The following MAP3K9 variants were observed in gnomAD, a reference collection of about 807,000 sequenced individuals.
MAP3K9 encodes mitogen-activated protein kinase kinase kinase 9.
Under a neutral mutation model 95.8 loss-of-function variants are expected in MAP3K9, and 46 were observed. The ratio of observed to expected loss-of-function variants is 0.48; its 90% CI spans 0.38 to 0.61. The LOEUF (loss-of-function observed/expected upper bound fraction) is 0.61, where lower values mean the gene tolerates loss of function less well. Among genes scored for constraint, MAP3K9 ranks in the 20% least tolerant of loss-of-function variants. The pLI, the probability that MAP3K9 is intolerant of heterozygous loss-of-function variation, is 0.00. For synonymous variants in MAP3K9, 533 were observed against 593.8 expected, an observed-to-expected ratio of 0.90 and a Z score of 1.49; for missense variants, 1,296 against 1,474.3, an observed-to-expected ratio of 0.88 and a Z score of 1.98.
rs976450856 is a variant in MAP3K9, at chr14:70,761,067, C to T, written c.936G>A (p.Thr312=). ...HRTTKMSAAG[T]YAWMAPEVIR... ...TGACTTCGGGTGCCATCCAAGCATA[C>T]GTCCCTGCCGCACTCATCTTGGTGG... The change falls in exon 3 of 12, where the codon ACG becomes ACA. Residue 312 remains threonine, a synonymous_variant. Transcript: ENST00000554752. 5 of 1,613,854 alleles carry T rather than the reference C, an allele frequency of 3.1e-6. No individual in the cohort carries two copies. Among genetic ancestry groups the T allele is most frequent in the African/African-American group, 1.3e-5 (1 of 74,834 alleles).
intron 2 of MAP3K9, among the ~76,000 whole-genome samples, chr14:70,788,313 A>G (rs1259152330): frequency 1.3e-5 from 2 of 152,252 alleles, no homozygotes; most frequent in African/African-American, 2.4e-5. Flanking sequence ...TACTAAGGGA[A>G]TAAGTGTAGC....
At chr14:70,750,292 T>A (rs1039215525) in intron 3 of MAP3K9, among the ~76,000 whole-genome samples, 13 of 152,220 alleles carry the variant, frequency 8.5e-5, no homozygotes, top group African/African-American at 3.1e-4. Flanking sequence ...TTTTCAAGTT[T>A]TCTCCCATAA....
intron 2 of MAP3K9, among the ~76,000 whole-genome samples, chr14:70,770,144 C>T (rs1300547038): frequency 6.6e-6 from 1 of 152,084 alleles, no homozygotes; most frequent in Non-Finnish European, 1.5e-5. Flanking sequence ...TGGTAGGGGT[C>T]AAGGTAATTG....
chr14:70,742,069 G>A (rs1360011001), intron 6 of MAP3K9, among the ~76,000 whole-genome samples: 1 of 152,222 alleles, frequency 6.6e-6, no homozygotes, highest in Non-Finnish European at 1.5e-5. Flanking sequence ...TGCCTAAAGT[G>A]AGATGTGCCC....
rs147124893 is a variant in MAP3K9, at chr14:70,733,303, C to T, written c.2066G>A (p.Arg689His). 8.9e-6 allele frequency: 14 copies of T among 1,573,410 alleles called. No homozygotes were observed. Among genetic ancestry groups the T allele is most frequent in the African/African-American group, 6.8e-5 (5 of 74,026 alleles). Residue 689 changes from arginine to histidine, a missense_variant, in exon 11 of 12, where the codon CGC (arginine) becomes CAC (histidine). Around this residue, in one of 5 missense-constraint regions of MAP3K9, gnomAD observed 377 missense variants for 417.1 expected, o/e 0.90. Transcript: ENST00000554752. Reference sequence around the variant, plus strand: ...GGACTGGCTGGGTGAATGCTGTAGGCGACTCTCTCCACTCCCTGGGCCTTC... The same window carrying T: ...GGACTGGCTGGGTGAATGCTGTAGGTGACTCTCTCCACTCCCTGGGCCTTC... The part of the protein sequence containing the change: ...DSEGPGSGES[R>H]LQHSPSQSYL...
At chr14:70,735,806 A>C (rs2139713542) in intron 9 of MAP3K9, among the ~76,000 whole-genome samples, 155 bp downstream of exon 9, 1 of 152,342 alleles carries the variant, frequency 6.6e-6, no homozygotes, top group South Asian at 2.1e-4. Context: ...CCCAAGGTGC[A>C]CAATGGTACT....
At chr14:70,805,551 T>C (rs1427709189) in intron 1 of MAP3K9, among the ~76,000 whole-genome samples, 2 of 152,370 alleles carry the variant, frequency 1.3e-5, no homozygotes, top group East Asian at 3.9e-4. Context: ...ATTATATGAA[T>C]GTAAAATGAT....
chr14:70,783,990 AAAAC>A (rs1474266331), intron 2 of MAP3K9, among the ~76,000 whole-genome samples: 1 of 152,238 alleles, frequency 6.6e-6, no homozygotes, highest in East Asian at 1.9e-4. Flanking sequence ...TGTTTAAACA[AAAAC>A]AAACCACGGC....
intron 2 of MAP3K9, among the ~76,000 whole-genome samples, chr14:70,789,644 C>T (rs995835724): frequency 2.0e-5 from 3 of 152,196 alleles, no homozygotes; most frequent in African/African-American, 7.2e-5. Context: ...ATCTAACTCC[C>T]AAGGCGGTGT....
chr14:70,732,631 C>T lies in MAP3K9; in HGVS notation c.2738G>A (p.Arg913Gln), dbSNP rs370094241. The T allele has an allele frequency of 2.2e-5, 36 of 1,606,646 alleles. No individual in the cohort carries two copies. The highest frequency in any genetic ancestry group is 2.9e-5 in the Non-Finnish European group (34 of 1,176,180). Residue 913 changes from arginine (R) to glutamine (Q), a missense_variant, in exon 11 of 12, where the codon CGG becomes CAG. Physicochemically the swap from Arg to Gln is conservative, Grantham distance 43. This residue lies in a region of MAP3K9 where 433 missense variants were observed against 441.4 expected (regional missense o/e 0.98). Transcript: ENST00000554752. ...LTTPSQPSSH[R>Q]RTPSDGALKP... ...AAGGGCCCCATCAGAAGGAGTCCGC[C>T]GGTGACTGCTGGGCTGCGAGGGGGT...
rs969778602 is a variant in MAP3K9, at chr14:70,727,683, G to A, written c.*2697C>T. 2.0e-5 allele frequency: 3 copies of A among 152,366 alleles called. No homozygotes were observed. The highest frequency in any genetic ancestry group is 1.3e-4 in the Admixed American group (2 of 15,288). 9.4% of individuals were successfully genotyped at this position (152,366 alleles called of 1,614,324 possible). A position where few individuals can be genotyped will look rare whatever the true frequency, so the allele number is the denominator to read the frequency against. On this transcript the variant is annotated 3_prime_UTR_variant, in exon 12 of 12. Transcript: ENST00000554752. ...GTCAGGGGCCCATCAGAGACCAGGTGTGTAGGAGCTGAGAGATGGTAACTG... is the reference window on the plus strand; with the variant it reads ...GTCAGGGGCCCATCAGAGACCAGGTATGTAGGAGCTGAGAGATGGTAACTG...
rs1245015931 is a variant in MAP3K9 at position 70,726,317 on chromosome 14, G to A, written c.*4063C>T. The A allele has an allele frequency of 6.6e-6, 1 of 152,286 alleles. No homozygotes were observed. The highest frequency in any genetic ancestry group is 1.5e-5 in the Non-Finnish European group (1 of 68,086). The allele number at this position is 152,286 out of a possible 1,614,324, so 9.4% of individuals were successfully genotyped here. ...GTCCCTGAGCAACAGTAGCCTGAGG[G>A]AAAGGGGGCTTAGTGACCATGACAC... On this transcript the variant is annotated 3_prime_UTR_variant, in exon 12 of 12. Coordinates refer to ENST00000554752, the MANE Select transcript of MAP3K9 (RefSeq NM_001284230.2).
rs556781885 is a variant in MAP3K9 at position 70,796,413 on chromosome 14, C to G, written c.820+4254G>C. Among the ~76,000 whole-genome samples the G allele has an allele frequency of 4.6e-5, 7 of 152,306 alleles. No individual in the cohort carries two copies. The South Asian group carries it at 1.4e-3, about 32-fold the overall frequency. ...GCTAAACTTGTTTGGCTGTATGATG[C>G]TAGACATCTGAGGTAACAGTTCATA... On this transcript the variant is annotated intron_variant, in intron 2 of 11. Transcript: ENST00000554752.
At chr14:70,760,910 G>A in intron 3 of MAP3K9, 92 bp downstream of exon 3, 1 of 1,392,182 alleles carries the variant, frequency 7.2e-7, no homozygotes, top group Non-Finnish European at 9.9e-7. Context: ...AGGTGCCTGG[G>A]ATCCTAGGTA....
chr14:70,761,607 A>G (rs2139782053), intron 2 of MAP3K9, among the ~76,000 whole-genome samples: 1 of 152,336 alleles, frequency 6.6e-6, no homozygotes, highest in South Asian at 2.1e-4. Flanking sequence ...TACTAAAAAT[A>G]CAAAAAATTA....
rs1156877131 is a variant in MAP3K9 at position 70,732,985 on chromosome 14, T to C, written c.2384A>G (p.Glu795Gly). The change falls in exon 11 of 12, where the codon GAG becomes GGG. Residue 795 changes from glutamate to glycine, a missense_variant. Physicochemically the swap from Glu to Gly is moderately conservative, Grantham distance 98. Around this residue, in one of 5 missense-constraint regions of MAP3K9, gnomAD observed 433 missense variants for 441.4 expected, o/e 0.98. Coordinates refer to ENST00000554752, the MANE Select transcript of MAP3K9 (RefSeq NM_001284230.2). ...PPAREEKKRR[E>G]GLFQRSSRPR... The stretch of plus-strand genomic sequence containing the variant: ...ACGGCTGGACCTCTGAAAAAGACCC[T>C]CCCGTCTTTTCTTCTCCTCCCGGGC... 6.2e-7 allele frequency: 1 copy of C among 1,614,058 alleles called. No individual in the cohort carries two copies. Among genetic ancestry groups the C allele is most frequent in the Admixed American group, 1.7e-5 (1 of 60,014 alleles).
chr14:70,790,014 C>T (rs1365519883), intron 2 of MAP3K9, among the ~76,000 whole-genome samples: 1 of 152,158 alleles, frequency 6.6e-6, no homozygotes, highest in African/African-American at 2.4e-5. Context: ...TCCGAGACAC[C>T]AGGATGCCCC....
At chr14:70,745,574 C>T (rs2054135013) in intron 5 of MAP3K9, among the ~76,000 whole-genome samples, 1 of 152,038 alleles carries the variant, frequency 6.6e-6, no homozygotes, top group Admixed American at 6.5e-5. Context: ...CCTGTCTCTA[C>T]TAAAAACATA....
At chr14:70,779,644 C>A (rs1238745250) in intron 2 of MAP3K9, among the ~76,000 whole-genome samples, 1 of 152,210 alleles carries the variant, frequency 6.6e-6, no homozygotes, top group African/African-American at 2.4e-5. Context: ...CTCTTCCCTT[C>A]CAACAGGAAC....
Sources: allele counts gnomAD v4.1 joint callset (sites outside exome capture counted in the v4.1 genomes callset), GRCh38; gene constraint gnomAD v4.1.1; regional missense constraint gnomAD v4.1.1; transcripts MANE v1.5; gene names NCBI Gene and HGNC (gene_info 2026-07-23, HGNC 2026-07-21).